GOLGA6L24: variants seen among roughly 807,000 people sequenced by gnomAD.
GOLGA6L24 encodes golgin subfamily A member 6-like protein 24.
At chr15:28,354,117 TC>T in the GOLGA6L24 span, among the ~76,000 whole-genome samples, 1 of 11,142 alleles carries the variant, frequency 9.0e-5, no homozygotes, top group African/African-American at 2.6e-4. Flanking sequence ...GGGAAATATC[TC>T]CCCCCAACAC....
chr15:28,354,560 GTTTGGACTCACCCTATCCGCC>G, the GOLGA6L24 span: 39 of 840,048 alleles, frequency 4.6e-5, no homozygotes, highest in Admixed American at 8.4e-4. Flanking sequence ...ACGGGGCCGT[GTTTGGACTCACCCTATCCGCC>G]TTCTTCTTCT....
At chr15:28,353,455 T>C in the GOLGA6L24 span, among the ~76,000 whole-genome samples, 1 of 150,294 alleles carries the variant, frequency 6.7e-6, no homozygotes, top group Non-Finnish European at 1.5e-5. Context: ...CACCACAACC[T>C]ACACCTCCGG....
the GOLGA6L24 span, among the ~76,000 whole-genome samples, chr15:28,353,426 C>T: frequency 6.6e-6 from 1 of 151,594 alleles, no homozygotes; most frequent in African/African-American, 2.4e-5. Flanking sequence ...CACTGGAGTG[C>T]AATGGCACAA....
the GOLGA6L24 span, among the ~76,000 whole-genome samples, chr15:28,353,349 T>A: frequency 6.8e-6 from 1 of 147,404 alleles, no homozygotes; most frequent in Non-Finnish European, 1.5e-5. Flanking sequence ...CATGGTCTCA[T>A]TTGTTTTTCT....
the GOLGA6L24 span, among the ~76,000 whole-genome samples, chr15:28,353,657 GAGAGCACCTGGCCCTCATTTGTT>G: frequency 6.7e-6 from 1 of 148,658 alleles, no homozygotes; most frequent in Non-Finnish European, 1.5e-5. Flanking sequence ...AGGCGTGAGC[GAGAGCACCTGGCCCTCATTTGTT>G]TTTCAAAGAA....
chr15:28,353,374 CTTTT>C, the GOLGA6L24 span, among the ~76,000 whole-genome samples: 3 of 143,328 alleles, frequency 2.1e-5, no homozygotes, highest in East Asian at 2.0e-4. Flanking sequence ...TTCTTTCTTT[CTTTT>C]TTTTTTTTTT....
At chr15:28,354,763 C>T in the GOLGA6L24 span, 1 of 1,597,534 alleles carries the variant, frequency 6.3e-7, no homozygotes, top group Admixed American at 1.7e-5. Context: ...GATGGGGTGC[C>T]AGATTCCCAC....
Sources: gnomAD v4.1 joint callset for allele counts (sites outside exome capture counted in the v4.1 genomes callset) on GRCh38, gnomAD v4.1.1 for gene constraint, MANE v1.5 for transcripts, NCBI Gene and HGNC (gene_info 2026-07-23, HGNC 2026-07-21) for gene names.